Variants in CTNNA2 observed in about 807,000 individuals in gnomAD.
CTNNA2 encodes catenin alpha 2.
Under a neutral mutation model 101.0 loss-of-function variants are expected in CTNNA2, and 42 were observed. That is an observed-to-expected ratio of 0.42 (90% CI 0.32 to 0.54). CTNNA2 has a LOEUF of 0.54. Among genes scored for constraint, CTNNA2 ranks in the 20% least tolerant of loss-of-function variants. CTNNA2 has a pLI of 0.14. For synonymous variants in CTNNA2, 450 were observed against 456.4 expected (o/e 0.99, Z 0.18); for missense variants, 871 against 1,223.1 (o/e 0.71, Z 4.29).
At chr2:79,567,809 A>G (rs1233176930) in intron 1 of CTNNA2, among the ~76,000 whole-genome samples, 1 of 152,084 alleles carries the variant, frequency 6.6e-6, no homozygotes, top group African/African-American at 2.4e-5. Context: ...TGAATCATCA[A>G]CTTGAATGGT....
intron 4 of CTNNA2, among the ~76,000 whole-genome samples, chr2:79,379,075 A>G (rs1678011614): frequency 6.6e-6 from 1 of 152,152 alleles, no homozygotes; most frequent in Admixed American, 6.6e-5. Flanking sequence ...AATCATATGC[A>G]TTAATTTTAG....
chr2:79,245,049 C>T (rs997758166), intron 2 of CTNNA2, among the ~76,000 whole-genome samples: 1 of 151,094 alleles, frequency 6.6e-6, no homozygotes, highest in Non-Finnish European at 1.5e-5. Flanking sequence ...GAGCTGAAAT[C>T]ACACCATTAC....
chr2:80,591,738 C>T (rs989308209), intron 15 of CTNNA2, among the ~76,000 whole-genome samples: 9 of 152,014 alleles, frequency 5.9e-5, no homozygotes, highest in Admixed American at 6.6e-5. Context: ...AATACCCTGG[C>T]ATTTATTATC....
chr2:80,314,467 G>A (rs1055971899), intron 7 of CTNNA2, among the ~76,000 whole-genome samples: 4 of 152,148 alleles, frequency 2.6e-5, no homozygotes, highest in Admixed American at 2.0e-4. Flanking sequence ...AGTAAAATTA[G>A]GAAACACTCC....
intron 7 of CTNNA2, among the ~76,000 whole-genome samples, chr2:80,309,539 T>G (rs1350966628): frequency 1.3e-5 from 2 of 152,156 alleles, no homozygotes; most frequent in African/African-American, 4.8e-5. Flanking sequence ...CTTTGCCACT[T>G]TTTAATCGGT....
chr2:80,201,987 C>G (rs1707240469), intron 7 of CTNNA2, among the ~76,000 whole-genome samples: 1 of 152,136 alleles, frequency 6.6e-6, no homozygotes, highest in African/African-American at 2.4e-5. Context: ...CCCAACTGAG[C>G]AAGGAAAACA....
intron 7 of CTNNA2, among the ~76,000 whole-genome samples, chr2:80,301,356 G>T (rs899703732): frequency 1.3e-5 from 2 of 152,262 alleles, no homozygotes; most frequent in Non-Finnish European, 2.9e-5. Context: ...TTTAACAGGG[G>T]GTACAAGAAG....
chr2:80,467,442 T>G (rs1401630995), intron 9 of CTNNA2, among the ~76,000 whole-genome samples: 2 of 152,164 alleles, frequency 1.3e-5, no homozygotes. Context: ...TGAAACTTCT[T>G]TGTACTATTT....
chr2:79,196,062 G>C (rs1310119822), intron 1 of CTNNA2, among the ~76,000 whole-genome samples: 1 of 152,030 alleles, frequency 6.6e-6, no homozygotes, highest in East Asian at 1.9e-4. Flanking sequence ...TCAGCCTCCT[G>C]AGTAGCTGGG....
chr2:79,818,821 T>TTTTTTATATATATATATA (rs1553373413), intron 3 of CTNNA2, among the ~76,000 whole-genome samples: 1 of 74,280 alleles, frequency 1.3e-5, no homozygotes, highest in Non-Finnish European at 2.3e-5. Flanking sequence ...CAAAATGCAA[T>TTTTTTATATATATATATA]TATATATATA....
At chr2:80,103,982 C>A (rs986297239) in intron 7 of CTNNA2, among the ~76,000 whole-genome samples, 3 of 152,210 alleles carry the variant, frequency 2.0e-5, no homozygotes, top group African/African-American at 7.2e-5. Context: ...GATCCACCCT[C>A]CTTGGCCTCC....
chr2:79,488,318 CAAAAAAAA>C (rs61641596), intron 4 of CTNNA2, among the ~76,000 whole-genome samples: 6 of 99,876 alleles, frequency 6.0e-5, no homozygotes, highest in East Asian at 3.9e-4. Flanking sequence ...AACTCCATCT[CAAAAAAAA>C]AAAAAAAAAA....
At chr2:79,746,710 C>A (rs1300937288) in intron 3 of CTNNA2, among the ~76,000 whole-genome samples, 1 of 152,186 alleles carries the variant, frequency 6.6e-6, no homozygotes, top group African/African-American at 2.4e-5. Context: ...TATGCTGCCT[C>A]TTTCACACAT....
intron 4 of CTNNA2, among the ~76,000 whole-genome samples, chr2:79,499,498 A>C (rs1308250472): frequency 6.6e-6 from 1 of 152,144 alleles, no homozygotes; most frequent in Non-Finnish European, 1.5e-5. Context: ...CACTCTACTG[A>C]CTTCTCATCG....
intron 3 of CTNNA2, among the ~76,000 whole-genome samples, chr2:79,334,114 T>A (rs1241025973): frequency 6.6e-6 from 1 of 152,190 alleles, no homozygotes; most frequent in Admixed American, 6.5e-5. Context: ...TTTTAACTAT[T>A]TGAAAATATA....
chr2:80,125,572 A>G lies in CTNNA2; in HGVS notation c.1056+215775A>G, dbSNP rs72813795. On this transcript the variant is annotated intron_variant, in intron 7 of 18. Coordinates refer to ENST00000402739, the MANE Select transcript of CTNNA2 (RefSeq NM_001282597.3). Reference sequence around the variant, plus strand: ...GCAACCTCTGCCATCCTGTGCATAGAGCAGATGTCACTATCTAGATACCAC... The same window carrying G: ...GCAACCTCTGCCATCCTGTGCATAGGGCAGATGTCACTATCTAGATACCAC... Among the ~76,000 whole-genome samples, 1,407 of 152,268 alleles carry G rather than the reference A, an allele frequency of 9.2e-3. 8 individuals are homozygous for G. The highest frequency in any genetic ancestry group is 0.017 in the Middle Eastern group (5 of 294).
At chr2:80,468,704 C>A (rs1188855542) in intron 9 of CTNNA2, among the ~76,000 whole-genome samples, 1 of 152,194 alleles carries the variant, frequency 6.6e-6, no homozygotes, top group African/African-American at 2.4e-5. Context: ...GTGTGAGCCA[C>A]TGTGCCCGGC....
At position 80,589,503 on chromosome 2, in the gene CTNNA2, G is replaced by A; in HGVS notation, c.2189+18G>A. On this transcript the variant is annotated intron_variant, in intron 15 of 18. Transcript: ENST00000402739. ...TTCACAAGGTGAGGCCCAGAGCCAG[G>A]GAGCTGAAGATTTTTTCATTAAACC... The A allele has an allele frequency of 1.2e-6, 2 of 1,606,786 alleles. No individual in the cohort carries two copies. The highest frequency in any genetic ancestry group is 2.2e-5 in the East Asian group (1 of 44,772).
chr2:80,160,892 T>C (rs1704273702), intron 7 of CTNNA2, among the ~76,000 whole-genome samples: 1 of 151,410 alleles, frequency 6.6e-6, no homozygotes, highest in South Asian at 2.1e-4. Context: ...ATGTTGACTA[T>C]AGTTTTTTTT....
Sources: gnomAD v4.1 joint callset for allele counts (sites outside exome capture counted in the v4.1 genomes callset) on GRCh38, gnomAD v4.1.1 for gene constraint, MANE v1.5 for transcripts, NCBI Gene and HGNC (gene_info 2026-07-23, HGNC 2026-07-21) for gene names.